EPM2A: variants seen among roughly 807,000 people sequenced by gnomAD.
EPM2A encodes the protein laforin.
A neutral mutation model predicts 26.5 loss-of-function variants in EPM2A; 21 were observed. The observed-to-expected ratio is 0.79, with a 90% CI of 0.56 to 1.14. The LOEUF is 1.14. EPM2A is among the 50% of genes most tolerant of loss of function. The pLI is 0.00. For synonymous variants in EPM2A, 217 were observed against 177.6 expected, an observed-to-expected ratio of 1.22 and a Z score of -1.76; for missense variants, 458 against 440.8, an observed-to-expected ratio of 1.04 and a Z score of -0.35.
At chr6:145,462,600 T>C (rs1779340453) in intron 4 of EPM2A, among the ~76,000 whole-genome samples, 1 of 152,162 alleles carries the variant, frequency 6.6e-6, no homozygotes, top group African/African-American at 2.4e-5. Context: ...TCAACTCAGC[T>C]ATGACTCCCA....
intron 2 of EPM2A, among the ~76,000 whole-genome samples, chr6:145,564,795 A>G (rs1582857647): frequency 1.3e-5 from 2 of 149,822 alleles, no homozygotes; most frequent in African/African-American, 2.5e-5. Context: ...GGGGGTGTGG[A>G]GGGAGCTGGG....
intron 4 of EPM2A, among the ~76,000 whole-genome samples, chr6:145,386,297 C>T (rs562550482): frequency 5.3e-5 from 8 of 152,098 alleles, no homozygotes; most frequent in Admixed American, 2.6e-4. Context: ...TGCTATACTA[C>T]GTATGGACAC....
intron 4 of EPM2A, among the ~76,000 whole-genome samples, chr6:145,475,382 A>G (rs1395334886): frequency 6.6e-6 from 1 of 152,178 alleles, no homozygotes; most frequent in Non-Finnish European, 1.5e-5. Context: ...CGAACACTGC[A>G]TGTTCTCACT....
At chr6:145,632,923 G>A (rs113622699) in intron 3 of EPM2A, among the ~76,000 whole-genome samples, 5 of 152,322 alleles carry the variant, frequency 3.3e-5, no homozygotes, top group Non-Finnish European at 4.4e-5. Flanking sequence ...CCTTTATCAC[G>A]TGGAAGCTTG....
intron 2 of EPM2A, among the ~76,000 whole-genome samples, chr6:145,663,843 G>C (rs1412805448): frequency 2.1e-5 from 2 of 96,820 alleles, no homozygotes; most frequent in South Asian, 3.1e-4. Context: ...AGCCAGAAGA[G>C]AGTGGGGGCC....
chr6:145,394,202 G>A (rs943021551), intron 4 of EPM2A, among the ~76,000 whole-genome samples: 1 of 152,172 alleles, frequency 6.6e-6, no homozygotes, highest in South Asian at 2.1e-4. Flanking sequence ...GATGGAGAGA[G>A]AGAGTTCCTT....
At chr6:145,630,919 A>G (rs1776202643) in intron 3 of EPM2A, 1 of 152,146 alleles carries the variant, frequency 6.6e-6, no homozygotes, top group South Asian at 2.1e-4. Context: ...TGGCCACTCA[A>G]ACTCAGCCAG....
chr6:145,626,891 A>C lies in EPM2A; in HGVS notation c.*525T>G. On this transcript the variant is annotated 3_prime_UTR_variant, in exon 4 of 4. Coordinates refer to ENST00000367519, the MANE Select transcript of EPM2A (RefSeq NM_005670.4). Reference sequence around the variant, plus strand: ...TAACAACTGTGAGGCAGGATAAAAAACAAGTCCTGAAAGCCATCACTTTTT... The same window carrying C: ...TAACAACTGTGAGGCAGGATAAAAACCAAGTCCTGAAAGCCATCACTTTTT... The C allele has an allele frequency of 1.0e-6, 1 of 995,448 alleles. No individual in the cohort carries two copies. Among genetic ancestry groups the C allele is most frequent in the Non-Finnish European group, 1.2e-6 (1 of 835,284 alleles). 61.7% of individuals were successfully genotyped at this position (995,448 alleles called of 1,614,324 possible). A position where few individuals can be genotyped will look rare whatever the true frequency, so the allele number is the denominator to read the frequency against.
intron 4 of EPM2A, among the ~76,000 whole-genome samples, chr6:145,435,539 T>C (rs1219071691): frequency 1.3e-5 from 2 of 151,510 alleles, no homozygotes; most frequent in African/African-American, 4.8e-5. Flanking sequence ...TTATAAATTA[T>C]AGGCAACTGC....
intron 1 of EPM2A, among the ~76,000 whole-genome samples, chr6:145,700,862 G>C (rs1045700612): frequency 3.3e-5 from 5 of 152,128 alleles, no homozygotes; most frequent in African/African-American, 1.2e-4. Flanking sequence ...ACACTCCCTT[G>C]AGCTGATCTA....
At chr6:145,732,070 A>C (rs1776515702) in intron 1 of EPM2A, among the ~76,000 whole-genome samples, 1 of 152,210 alleles carries the variant, frequency 6.6e-6, no homozygotes, top group South Asian at 2.1e-4. Context: ...CTCTGATTTT[A>C]CCATTTCTTG....
intron 2 of EPM2A, among the ~76,000 whole-genome samples, chr6:145,522,113 C>T (rs996633731): frequency 1.3e-5 from 2 of 152,142 alleles, no homozygotes; most frequent in Non-Finnish European, 1.5e-5. Flanking sequence ...TCACCACGCC[C>T]AGCCATTTTT....
downstream of EPM2A, among the ~76,000 whole-genome samples, chr6:145,624,013 T>C (rs190835795): frequency 3.9e-5 from 6 of 152,292 alleles, no homozygotes; most frequent in Non-Finnish European, 1.5e-5. Context: ...ACAGAGTTGT[T>C]GTTATGGTTG....
At chr6:145,432,484 G>T (rs1317505243) in intron 4 of EPM2A, among the ~76,000 whole-genome samples, 1 of 141,512 alleles carries the variant, frequency 7.1e-6, no homozygotes, top group Non-Finnish European at 1.5e-5. Context: ...CATTGTAAAT[G>T]ATCAGTTTTT....
chr6:145,686,050 G>T, intron 2 of EPM2A, 72 bp downstream of exon 2: 1 of 1,419,948 alleles, frequency 7.0e-7, no homozygotes, highest in Non-Finnish European at 9.9e-7. Context: ...TTCGAACACA[G>T]TAAATATTTC....
At chr6:145,409,140 A>G (rs920594389) in intron 4 of EPM2A, among the ~76,000 whole-genome samples, 1 of 152,196 alleles carries the variant, frequency 6.6e-6, no homozygotes, top group Admixed American at 6.5e-5. Context: ...CAGAAGTATT[A>G]ATTATCCTTT....
intron 1 of EPM2A, among the ~76,000 whole-genome samples, chr6:145,704,521 G>A (rs547231230): frequency 3.7e-4 from 56 of 152,122 alleles, no homozygotes; most frequent in African/African-American, 1.3e-3. Context: ...CAGTGGGACA[G>A]ATAGCGGAAG....
At chr6:145,554,695 GTGCTCCTCATATAGCCACCAGTC>G (rs1347490862) in intron 2 of EPM2A, among the ~76,000 whole-genome samples, 2 of 152,070 alleles carry the variant, frequency 1.3e-5, no homozygotes, top group African/African-American at 4.8e-5. Flanking sequence ...GAGGAAGAAT[GTGCTCCTCATATAGCCACCAGTC>G]TCATCATGCG....
chr6:145,516,278 C>G (rs1780126039), intron 2 of EPM2A, among the ~76,000 whole-genome samples: 1 of 152,120 alleles, frequency 6.6e-6, no homozygotes, highest in Non-Finnish European at 1.5e-5. Context: ...AGCTACTGTT[C>G]TCAAGGCACA....
Sources: gnomAD v4.1 joint callset for allele counts (sites outside exome capture counted in the v4.1 genomes callset) on GRCh38, gnomAD v4.1.1 for gene constraint, MANE v1.5 for transcripts, NCBI Gene and HGNC (gene_info 2026-07-23, HGNC 2026-07-21) for gene names.